Variants in LRP1B observed in about 807,000 individuals in gnomAD.
LRP1B encodes the protein low-density lipoprotein receptor-related protein 1B.
A neutral mutation model predicts 556.6 loss-of-function variants in LRP1B; 217 were observed. That is an observed-to-expected ratio of 0.39 (90% CI 0.35 to 0.44). The LOEUF (loss-of-function observed/expected upper bound fraction) is 0.44. LRP1B is among the 20% of genes least tolerant of loss of function. The pLI is 1.00. For missense variants in LRP1B, 5,053 were observed against 5,620.8 expected (o/e 0.90, Z 3.23); for synonymous variants, 2,047 against 1,865.8 (o/e 1.10, Z -2.50).
intron 3 of LRP1B, among the ~76,000 whole-genome samples, chr2:141,270,940 T>C (rs773502888): frequency 9.9e-5 from 15 of 152,000 alleles, no homozygotes; most frequent in Non-Finnish European, 2.1e-4. Context: ...TGGCAAGTTT[T>C]ATATTATATG....
chr2:141,113,603 T>C (rs1485481162), intron 7 of LRP1B, among the ~76,000 whole-genome samples: 1 of 152,178 alleles, frequency 6.6e-6, no homozygotes, highest in Non-Finnish European at 1.5e-5. Flanking sequence ...GAAAGGGTTT[T>C]ATTATTATGC....
intron 18 of LRP1B, among the ~76,000 whole-genome samples, chr2:140,962,179 G>C (rs889071496): frequency 1.3e-5 from 2 of 152,152 alleles, no homozygotes; most frequent in Admixed American, 1.3e-4. Flanking sequence ...TACAAAAGCA[G>C]AGGAAAAGTA....
intron 2 of LRP1B, among the ~76,000 whole-genome samples, chr2:141,679,566 G>A (rs1274857728): frequency 2.0e-5 from 3 of 152,146 alleles, no homozygotes; most frequent in Non-Finnish European, 2.9e-5. Context: ...TAAAGGTGAA[G>A]ATGCTGTACC....
At chr2:140,531,638 C>T (rs1235489365) in intron 47 of LRP1B, among the ~76,000 whole-genome samples, 8 of 152,078 alleles carry the variant, frequency 5.3e-5, no homozygotes, top group African/African-American at 1.9e-4. Context: ...CATACCTTTC[C>T]TTTACATCAA....
chr2:142,073,014 T>C (rs1035571019), intron 1 of LRP1B, among the ~76,000 whole-genome samples: 1 of 152,062 alleles, frequency 6.6e-6, no homozygotes, highest in African/African-American at 2.4e-5. Flanking sequence ...ATAAGGATAA[T>C]GTTAATCACA....
At chr2:140,328,584 T>TAGAG in intron 79 of LRP1B, among the ~76,000 whole-genome samples, 1 of 152,100 alleles carries the variant, frequency 6.6e-6, no homozygotes, top group Admixed American at 6.6e-5. Flanking sequence ...TTTTCAGAAC[T>TAGAG]AGAGAAAATT....
At chr2:141,973,971 C>G (rs1701815408) in intron 1 of LRP1B, among the ~76,000 whole-genome samples, 1 of 151,862 alleles carries the variant, frequency 6.6e-6, no homozygotes, top group Non-Finnish European at 1.5e-5. Flanking sequence ...CCCAGTCATT[C>G]TGGACTCAAA....
At chr2:140,235,705 TC>T (rs1359873956) in intron 89 of LRP1B, among the ~76,000 whole-genome samples, 1 of 151,120 alleles carries the variant, frequency 6.6e-6, no homozygotes, top group Non-Finnish European at 1.5e-5. Flanking sequence ...CATAGTTTTA[TC>T]TTCCTAGAGT....
intron 2 of LRP1B, among the ~76,000 whole-genome samples, chr2:141,734,521 C>G (rs1270490605): frequency 6.6e-6 from 1 of 151,930 alleles, no homozygotes; most frequent in Non-Finnish European, 1.5e-5. Context: ...TTAAGAAAAA[C>G]CATTAAAAGT....
chr2:140,395,988 G>A (rs1162060620), intron 66 of LRP1B, among the ~76,000 whole-genome samples: 1 of 152,088 alleles, frequency 6.6e-6, no homozygotes, highest in Admixed American at 6.6e-5. Context: ...TGTACTCTAG[G>A]TCATGTTCAA....
At chr2:140,945,064 A>G (rs1695502759) in intron 20 of LRP1B, among the ~76,000 whole-genome samples, 1 of 152,184 alleles carries the variant, frequency 6.6e-6, no homozygotes, top group Non-Finnish European at 1.5e-5. Context: ...TTCAGGATAC[A>G]AAGGCAACAT....
chr2:141,609,511 T>C (rs1467041184), intron 2 of LRP1B, among the ~76,000 whole-genome samples: 2 of 152,202 alleles, frequency 1.3e-5, no homozygotes, highest in African/African-American at 4.8e-5. Flanking sequence ...AATGAAATAA[T>C]TAGAAAGTAA....
At chr2:141,585,821 C>T (rs935447409) in intron 2 of LRP1B, among the ~76,000 whole-genome samples, 15 of 151,676 alleles carry the variant, frequency 9.9e-5, no homozygotes, top group African/African-American at 2.4e-5. Context: ...TGTCATAGCT[C>T]ACTGCAGCTT....
chr2:140,690,792 T>C (rs1686208780), intron 41 of LRP1B, among the ~76,000 whole-genome samples: 1 of 152,176 alleles, frequency 6.6e-6, no homozygotes, highest in South Asian at 2.1e-4. Flanking sequence ...GACAACTTCA[T>C]CTTTTATTTT....
chr2:140,508,877 A>G (rs1013021414), intron 52 of LRP1B, among the ~76,000 whole-genome samples: 3 of 152,128 alleles, frequency 2.0e-5, no homozygotes, highest in African/African-American at 7.2e-5. Context: ...TGGATCCCTG[A>G]ATTGATGCAT....
At chr2:141,150,098 A>C (rs559130772) in intron 7 of LRP1B, among the ~76,000 whole-genome samples, 4 of 152,292 alleles carry the variant, frequency 2.6e-5, no homozygotes, top group Admixed American at 2.6e-4. Flanking sequence ...GAAGTGGGCC[A>C]TGTCACCCAG....
intron 22 of LRP1B, among the ~76,000 whole-genome samples, chr2:140,905,757 A>G (rs1694233092): frequency 6.6e-6 from 1 of 152,080 alleles, no homozygotes; most frequent in African/African-American, 2.4e-5. Context: ...CATGAAGTTG[A>G]GCTCAGTTCA....
chr2:141,351,786 A>G (rs1400804717), intron 3 of LRP1B, among the ~76,000 whole-genome samples: 1 of 152,000 alleles, frequency 6.6e-6, no homozygotes, highest in Admixed American at 6.6e-5. Flanking sequence ...ATGGTTAAAA[A>G]GAGGATAGGG....
intron 31 of LRP1B, among the ~76,000 whole-genome samples, chr2:140,830,055 C>A (rs1691661191): frequency 6.6e-6 from 1 of 151,596 alleles, no homozygotes; most frequent in Non-Finnish European, 1.5e-5. Context: ...AAGACTGAAC[C>A]ATGAAGAAAT....
Sources: gnomAD v4.1 joint callset for allele counts (sites outside exome capture counted in the v4.1 genomes callset) on GRCh38, gnomAD v4.1.1 for gene constraint, MANE v1.5 for transcripts, NCBI Gene and HGNC (gene_info 2026-07-23, HGNC 2026-07-21) for gene names.